Variants in DNAH5 observed in about 807,000 individuals in gnomAD.
DNAH5 encodes the protein dynein axonemal heavy chain 5, also known as axonemal beta dynein heavy chain 5.
DNAH5 carries 372 observed loss-of-function variants against 518.2 expected under a neutral mutation model. The observed-to-expected ratio is 0.72, with a 90% CI of 0.66 to 0.78. The LOEUF is 0.78. DNAH5 is among the 30% of genes least tolerant of loss of function. DNAH5 has a pLI of 0.00. For synonymous variants in DNAH5, 2,039 were observed against 2,025.9 expected, an observed-to-expected ratio of 1.01 and a Z score of -0.17; for missense variants, 5,523 against 5,687.0, an observed-to-expected ratio of 0.97 and a Z score of 0.93.
At position 13,871,546 on chromosome 5, in the gene DNAH5, G is replaced by T. The variant is rs1561477668; in HGVS notation, c.3598+18C>A. On this transcript the variant is annotated intron_variant, in intron 23 of 78. Coordinates refer to ENST00000265104, the MANE Select transcript of DNAH5 (RefSeq NM_001369.3). ...TAATGGCTAATTTATATAACTATAT[G>T]AAAGAAAATGAACCAACCTGTGTAC... 1 of 1,593,260 alleles carries T rather than the reference G, an allele frequency of 6.3e-7. No homozygotes were observed. The highest frequency in any genetic ancestry group is 1.1e-5 in the South Asian group (1 of 90,600).
At chr5:13,915,727 T>A (rs2151984234) in intron 9 of DNAH5, among the ~76,000 whole-genome samples, 1 of 152,268 alleles carries the variant, frequency 6.6e-6, no homozygotes, top group Non-Finnish European at 1.5e-5. Context: ...AATATAACAC[T>A]TAAGATTTTT....
intron 31 of DNAH5, among the ~76,000 whole-genome samples, chr5:13,847,734 A>C (rs1766213460): frequency 1.3e-5 from 2 of 151,932 alleles, no homozygotes; most frequent in Non-Finnish European, 2.9e-5. Flanking sequence ...AAAAAAAAAA[A>C]AAGGAGAAAA....
At chr5:13,752,584 A>G (rs1354788455) in intron 63 of DNAH5, among the ~76,000 whole-genome samples, 2 of 152,268 alleles carry the variant, frequency 1.3e-5, no homozygotes, top group African/African-American at 4.8e-5. Flanking sequence ...AAGAAGGTGT[A>G]TATGAAACAT....
intron 1 of DNAH5, among the ~76,000 whole-genome samples, chr5:13,967,173 T>G (rs1368337106): frequency 1.3e-5 from 2 of 152,250 alleles, no homozygotes; most frequent in African/African-American, 2.4e-5. Context: ...AGAAGCTTTT[T>G]GGTTTAATTA....
In DNAH5 at chr5:13,891,004, G is replaced by A. The variant is rs761254965; in HGVS notation, c.2549C>T (p.Thr850Ile). 6.2e-7 allele frequency: 1 copy of A among 1,614,116 alleles called. No individual in the cohort carries two copies. Reference protein sequence around the residue: ...LCQLPQEEPLTCEEFLQMTKD... With the variant: ...LCQLPQEEPLICEEFLQMTKD... ...TGTCATTTGGAGAAACTCTTCACAGGTTAGTGGCTCCTCCTGGGGAAGCTG... is the reference window on the plus strand; with the variant it reads ...TGTCATTTGGAGAAACTCTTCACAGATTAGTGGCTCCTCCTGGGGAAGCTG... The change falls in exon 17 of 79, where the codon ACC becomes ATC. Residue 850 changes from threonine to isoleucine, a missense_variant. Transcript: ENST00000265104.
intron 1 of DNAH5, among the ~76,000 whole-genome samples, chr5:13,959,891 C>G (rs1210142429): frequency 6.6e-6 from 1 of 152,048 alleles, no homozygotes; most frequent in Non-Finnish European, 1.5e-5. Flanking sequence ...CTCTTGAACC[C>G]GGGAGGGTGG....
chr5:13,728,547 G>C (rs540164248), intron 69 of DNAH5, among the ~76,000 whole-genome samples: 6 of 152,250 alleles, frequency 3.9e-5, no homozygotes, highest in African/African-American at 1.4e-4. Flanking sequence ...AATATCAATG[G>C]TCTAGGCAAG....
chr5:13,729,453 C>T lies in DNAH5; in HGVS notation c.11869G>A (p.Asp3957Asn), dbSNP rs749548708. Residue 3957 changes from aspartate (D) to asparagine (N), a missense_variant, in exon 69 of 79, where the codon GAT becomes AAT. Physicochemically the swap from Asp to Asn is conservative, Grantham distance 23 (BLOSUM62 1). Transcript: ENST00000265104. ...VELSKLRQFS[D>N]VLDQISRNEK... ...AGCACAGTTACCTGGTCAAGGACAT[C>T]TGAAAACTGTCTGAGTTTGCTAAGT... is the stretch of plus-strand genomic sequence containing the variant. 3.1e-6 allele frequency: 5 copies of T among 1,613,888 alleles called. No individual in the cohort carries two copies. In the South Asian group the frequency reaches 4.4e-5, roughly 14 times the overall value.
In DNAH5 at chr5:13,708,234, G is replaced by T. The variant is rs139357559; in HGVS notation, c.13227C>A (p.Ser4409Arg). ...TAGCAAGTTTCAGCTCAGTGAGGGT[G>T]CTGCGGACAAGGCTGAGTACCCTTT... ...RMQRVLSLVRSTLTELKLAID... is the reference protein window; with the variant it reads ...RMQRVLSLVRRTLTELKLAID... Residue 4409 changes from serine (S) to arginine (R), a missense_variant, in exon 76 of 79, where the codon AGC (serine) becomes AGA (arginine). Ser to Arg is a moderately radical substitution (Grantham distance 110). Around this residue, in one of 3 missense-constraint regions of DNAH5, gnomAD observed 387 missense variants for 430.0 expected, o/e 0.90. Coordinates refer to ENST00000265104, the MANE Select transcript of DNAH5 (RefSeq NM_001369.3). The T allele has an allele frequency of 6.2e-7, 1 of 1,614,052 alleles. No homozygotes were observed. Among genetic ancestry groups the T allele is most frequent in the Non-Finnish European group, 8.5e-7 (1 of 1,180,024 alleles).
rs758418210 is a variant in DNAH5, at chr5:13,793,663, C to T, written c.8076G>A (p.Gly2692=). ...QNGFYNLEKP[G]EFTSIVDIQF... is the part of the protein sequence containing the mutation. The stretch of plus-strand genomic sequence containing the variant: ...GGATGTCCACGATGCTGGTGAACTC[C>T]CCAGGCTTCTCTAGATTATAGAATC... The change falls in exon 49 of 79, where the codon GGG becomes GGA. Residue 2692 remains glycine, a synonymous_variant. Coordinates refer to ENST00000265104, the MANE Select transcript of DNAH5 (RefSeq NM_001369.3). 3.7e-6 allele frequency: 6 copies of T among 1,614,086 alleles called. No homozygotes were observed. Among genetic ancestry groups the T allele is most frequent in the South Asian group, 2.2e-5 (2 of 91,070 alleles).
intron 76 of DNAH5, among the ~76,000 whole-genome samples, chr5:13,704,981 TACCAATAGAC>T (rs1364479629): frequency 1.3e-5 from 2 of 149,630 alleles, no homozygotes; most frequent in Admixed American, 6.8e-5. Context: ...CTATAGTTTA[TACCAATAGAC>T]AATTTTTTTT....
intron 29 of DNAH5, 150 bp from the exon 30 acceptor site, chr5:13,859,755 T>A: frequency 2.7e-6 from 2 of 732,020 alleles, no homozygotes; most frequent in Non-Finnish European, 2.3e-6. Context: ...ACCAAGTGAT[T>A]AATTCATCCC....
chr5:13,829,924 C>T, intron 37 of DNAH5, 102 bp downstream of exon 37: 1 of 504,960 alleles, frequency 2.0e-6, no homozygotes, highest in Non-Finnish European at 2.8e-6. Flanking sequence ...AAGTTACAAT[C>T]CCAATTTCCA....
intron 50 of DNAH5, among the ~76,000 whole-genome samples, chr5:13,791,484 CT>C (rs1756977357): frequency 6.6e-6 from 1 of 151,820 alleles, no homozygotes; most frequent in African/African-American, 2.4e-5. Flanking sequence ...CTCTCCTCAA[CT>C]TTACCAATGT....
Position 13,885,954 on chromosome 5 carries a change from C to T in DNAH5, c.2743+10G>A. The stretch of plus-strand genomic sequence containing the variant: ...GAAAAACAAGACCCTTTCATTACCC[C>T]ATCTCTTACCTGAACTTTCATTTTT... On this transcript the variant is annotated intron_variant, in intron 18 of 78. Coordinates refer to ENST00000265104, the MANE Select transcript of DNAH5 (RefSeq NM_001369.3). The T allele has an allele frequency of 6.2e-7, 1 of 1,610,644 alleles. No homozygotes were observed. The highest frequency in any genetic ancestry group is 1.3e-5 in the African/African-American group (1 of 74,912).
chr5:13,870,624 G>A, intron 24 of DNAH5, 143 bp downstream of exon 24: 2 of 810,468 alleles, frequency 2.5e-6, no homozygotes, highest in Non-Finnish European at 4.0e-6. Context: ...TGCTATAGGG[G>A]TTCGGTATCA....
At chr5:13,760,924 C>T (rs1354186) in intron 60 of DNAH5, among the ~76,000 whole-genome samples, 102,771 of 152,202 alleles carry the variant, frequency 0.68, 35,184 homozygotes, top group African/African-American at 0.79. Context: ...ACAGTGAATG[C>T]GGGTCTGTGT....
chr5:13,722,896 G>A (rs527403837), intron 70 of DNAH5, among the ~76,000 whole-genome samples: 5 of 152,256 alleles, frequency 3.3e-5, no homozygotes, highest in African/African-American at 1.2e-4. Context: ...ATGGCTTTGG[G>A]GAAAGACCTC....
At chr5:13,887,386 T>C (rs1336469878) in intron 17 of DNAH5, among the ~76,000 whole-genome samples, 1 of 152,096 alleles carries the variant, frequency 6.6e-6, no homozygotes, top group Non-Finnish European at 1.5e-5. Flanking sequence ...CAAAGCAGAA[T>C]ATAAACGCAA....
Sources: gnomAD v4.1 joint callset for allele counts (sites outside exome capture counted in the v4.1 genomes callset) on GRCh38, gnomAD v4.1.1 for gene constraint, gnomAD v4.1.1 regional missense constraint, MANE v1.5 for transcripts, NCBI Gene and HGNC (gene_info 2026-07-23, HGNC 2026-07-21) for gene names.